MCCC1: variants seen among roughly 807,000 people sequenced by gnomAD.
The protein encoded by MCCC1 is methylcrotonyl-CoA carboxylase subunit 1, also known as methylcrotonoyl-CoA carboxylase subunit alpha, mitochondrial.
A neutral mutation model predicts 83.8 loss-of-function variants in MCCC1; 64 were observed. That is an observed-to-expected ratio of 0.76 (90% CI 0.62 to 0.94). The LOEUF is 0.94. MCCC1 is among the 40% of genes least tolerant of loss of function. The pLI, the probability that MCCC1 is intolerant of heterozygous loss-of-function variation, is 0.00. For missense variants in MCCC1, 807 were observed against 904.7 expected (o/e 0.89, Z 1.39); for synonymous variants, 322 against 315.4 (o/e 1.02, Z -0.22).
chr3:183,063,047 G>T (rs1011517970), intron 7 of MCCC1, among the ~76,000 whole-genome samples: 1 of 151,910 alleles, frequency 6.6e-6, no homozygotes, highest in Non-Finnish European at 1.5e-5. Flanking sequence ...GCAGTGGTGT[G>T]ACCTAGGCTC....
In MCCC1 at chr3:183,064,618, C is replaced by T. The variant is rs1022685745; in HGVS notation, c.761+6381G>A. Among the ~76,000 whole-genome samples, 4 of 152,204 alleles carry T rather than the reference C, an allele frequency of 2.6e-5. No homozygotes were observed. Among genetic ancestry groups the T allele is most frequent in the African/African-American group, 9.6e-5 (4 of 41,464 alleles). On this transcript the variant is annotated intron_variant, in intron 7 of 18. Coordinates refer to ENST00000265594, the MANE Select transcript of MCCC1 (RefSeq NM_020166.5). This position sits in a 1 kb window ranked among gnomAD's most constrained non-coding sequence, Gnocchi z 4.5. ...GCTCCCCGGTTCGCCGGCTGCGGTACGCCTCCTGCGCGTTGCCGAAGTCCA... is the reference window on the plus strand; with the variant it reads ...GCTCCCCGGTTCGCCGGCTGCGGTATGCCTCCTGCGCGTTGCCGAAGTCCA...
At chr3:183,031,491 CTTTTTTTTT>C (rs66507233) in intron 14 of MCCC1, among the ~76,000 whole-genome samples, 2 of 72,708 alleles carry the variant, frequency 2.8e-5, no homozygotes, top group South Asian at 6.5e-4. Flanking sequence ...CTTCTGGCAC[CTTTTTTTTT>C]TTTTTTTTTT....
chr3:183,070,571 A>G (rs1716588545), intron 7 of MCCC1, among the ~76,000 whole-genome samples: 1 of 152,108 alleles, frequency 6.6e-6, no homozygotes, highest in African/African-American at 2.4e-5. Context: ...CATCTCTACT[A>G]AAAACACAAA....
At position 183,037,179 on chromosome 3, in the gene MCCC1, A is replaced by G. The variant is rs2270969; in HGVS notation, c.1594+39T>C. 0.041 allele frequency: 65,868 copies of G among 1,601,662 alleles called. 2,416 individuals carry two copies. The highest frequency in any genetic ancestry group is 0.13 in the Admixed American group (7,960 of 59,956). On this transcript the variant is annotated intron_variant, in intron 13 of 18. Coordinates refer to ENST00000265594, the MANE Select transcript of MCCC1 (RefSeq NM_020166.5). The stretch of plus-strand genomic sequence containing the variant: ...AAAGCATGTTCAATGATGATTTGCA[A>G]AACTTGACAAGCAGAGGAAAGAGAA...
At chr3:183,016,448 C>T (rs1306927221) in intron 18 of MCCC1, among the ~76,000 whole-genome samples, 6 of 151,844 alleles carry the variant, frequency 4.0e-5, no homozygotes, top group East Asian at 3.9e-4. Context: ...CCAAGCTGGT[C>T]GTGAACTCCT....
rs774075340 is a variant in MCCC1, at chr3:183,071,196, A to ATGTTTTTGTTTT, written c.639+13_639+14insAAAACAAAAACA. On this transcript the variant is annotated intron_variant, in intron 6 of 18. Coordinates refer to ENST00000265594, the MANE Select transcript of MCCC1 (RefSeq NM_020166.5). ...CAAGCCTGAATTGGCAAACACAAGC[A>ATGTTTTTGTTTT]TGCACAATCTTACTTTTCCTCCTCC... 48 of 1,614,130 alleles carry ATGTTTTTGTTTT rather than the reference A, an allele frequency of 3.0e-5. No individual in the cohort carries two copies. Among genetic ancestry groups the ATGTTTTTGTTTT allele is most frequent in the Admixed American group, 1.0e-4 (6 of 60,006 alleles).
chr3:183,108,615 T>C (rs1719443468), intron 1 of MCCC1, among the ~76,000 whole-genome samples: 1 of 152,190 alleles, frequency 6.6e-6, no homozygotes, highest in South Asian at 2.1e-4. Context: ...CAAGAAGTAA[T>C]GTTTAAATCT....
Position 183,098,022 on chromosome 3 carries a change from C to T in MCCC1, c.89+1330G>A, listed in dbSNP as rs568920576. On this transcript the variant is annotated intron_variant, in intron 1 of 18. Coordinates refer to ENST00000265594, the MANE Select transcript of MCCC1 (RefSeq NM_020166.5). ...CTCCGCCTCCTGGGTTCACACCATT[C>T]TCCTGCCTCAGCCTCCCGAGTAGCT... Among the ~76,000 whole-genome samples, 11 of 152,332 alleles carry T rather than the reference C, an allele frequency of 7.2e-5. No individual in the cohort carries two copies. In the South Asian group the frequency reaches 2.3e-3, roughly 32 times the overall value.
At chr3:183,104,525 C>T (rs1350372939), upstream of MCCC1, among the ~76,000 whole-genome samples, 1 of 152,110 alleles carries the variant, frequency 6.6e-6, no homozygotes, top group Non-Finnish European at 1.5e-5. Flanking sequence ...CACAGCAAAA[C>T]ATACACATAG....
At chr3:183,050,233 G>A (rs1426823607) in intron 9 of MCCC1, among the ~76,000 whole-genome samples, 3 of 152,084 alleles carry the variant, frequency 2.0e-5, no homozygotes, top group Non-Finnish European at 4.4e-5. Flanking sequence ...ATTTATTAAA[G>A]AGATTAAGTC....
chr3:183,025,638 T>C (rs979887461), intron 15 of MCCC1, 117 bp downstream of exon 15: 6 of 943,806 alleles, frequency 6.4e-6, no homozygotes, highest in Non-Finnish European at 1.0e-5. Flanking sequence ...AGATATTCTC[T>C]TAACTACAGT....
At chr3:183,102,758 G>GT (rs566199257), upstream of MCCC1, among the ~76,000 whole-genome samples, 12 of 52,168 alleles carry the variant, frequency 2.3e-4, 4 homozygotes, top group Non-Finnish European at 3.6e-4. Context: ...AGCAGAGAAA[G>GT]TTTTTTTTTT....
At chr3:183,092,240 C>A in intron 3 of MCCC1, 169 bp downstream of exon 3, 1 of 748,944 alleles carries the variant, frequency 1.3e-6, no homozygotes, top group Admixed American at 2.2e-5. Context: ...CTTAGTTCAA[C>A]TGATGTTATA....
Position 183,047,483 on chromosome 3 carries a change from G to A in MCCC1, c.956-1943C>T, listed in dbSNP as rs142515160. ...TAAAAGGCAAAAAACACAGTTTGAA[G>A]AGACTGAAGAAGCATCAGGTATGGC... On this transcript the variant is annotated intron_variant, in intron 9 of 18. Transcript: ENST00000265594. 3.7e-3 allele frequency among the ~76,000 whole-genome samples: 564 copies of A among 152,270 alleles called. 2 individuals carry two copies. Among genetic ancestry groups the A allele is most frequent in the Non-Finnish European group, 5.1e-3 (350 of 68,008 alleles).
At chr3:183,098,728 G>A (rs1483275265) in intron 1 of MCCC1, 1 of 153,812 alleles carries the variant, frequency 6.5e-6, no homozygotes, top group Non-Finnish European at 1.5e-5. Flanking sequence ...GAGCTAGACT[G>A]AGTCATCTGA....
rs143490687 is a variant in MCCC1 at position 183,089,496 on chromosome 3, C to A, written c.274-2708G>T. 1.9e-4 allele frequency among the ~76,000 whole-genome samples: 29 copies of A among 152,200 alleles called. No homozygotes were observed. The East Asian group carries it at 5.6e-3, about 29-fold the overall frequency. On this transcript the variant is annotated intron_variant, in intron 3 of 18. Coordinates refer to ENST00000265594, the MANE Select transcript of MCCC1 (RefSeq NM_020166.5). ...GGCTATGGTAGCAAGTGCCTGTAGT[C>A]CCAGCTACTCAGGAGGCTGAGGTAG...
rs1711542550 is a variant in MCCC1, at chr3:183,015,508, G to T, written c.2108C>A (p.Ala703Asp). 6.2e-7 allele frequency: 1 copy of T among 1,613,970 alleles called. No individual in the cohort carries two copies. Among genetic ancestry groups the T allele is most frequent in the Non-Finnish European group, 8.5e-7 (1 of 1,179,956 alleles). The change falls in exon 19 of 19, where the codon GCT becomes GAT. Residue 703 changes from alanine (A) to aspartate (D), a missense_variant. Transcript: ENST00000265594. ...TAAAGGAGTGTGTCTGTTGGCCTGA[G>T]CACCTTCTCTGTAGAACACTTTCTT... ...TVKKVFYREGAQANRHTPLVE... is the reference protein window; with the variant it reads ...TVKKVFYREGDQANRHTPLVE...
At chr3:183,025,184 C>T (rs567770720) in intron 15 of MCCC1, among the ~76,000 whole-genome samples, 8 of 152,200 alleles carry the variant, frequency 5.3e-5, no homozygotes, top group Non-Finnish European at 1.0e-4. Flanking sequence ...TCAGTGAGTA[C>T]GGAATTTTAG....
intron 1 of MCCC1, 50 bp from the exon 2 acceptor site, chr3:183,094,655 A>T: frequency 6.4e-7 from 1 of 1,556,546 alleles, no homozygotes. Context: ...TAGGCAACAC[A>T]ATTGTTCTTT....
Sources: gnomAD v4.1 joint callset for allele counts (sites outside exome capture counted in the v4.1 genomes callset) on GRCh38, gnomAD v4.1.1 for gene constraint, Gnocchi (gnomAD v3.1) non-coding constraint, MANE v1.5 for transcripts, NCBI Gene and HGNC (gene_info 2026-07-23, HGNC 2026-07-21) for gene names.